The following THRB variants were observed in gnomAD, a reference collection of about 807,000 sequenced individuals.
THRB encodes nuclear receptor subfamily 1 group A member 2.
Under a neutral mutation model 47.8 loss-of-function variants are expected in THRB, and 12 were observed. The ratio of observed to expected loss-of-function variants is 0.25; its 90% CI spans 0.16 to 0.41. The LOEUF (loss-of-function observed/expected upper bound fraction) is 0.41, where lower values mean the gene tolerates loss of function less well. Ranked by LOEUF, THRB falls within the 10% of genes least tolerant of loss-of-function variation. The pLI, the probability that THRB is intolerant of heterozygous loss-of-function variation, is 1.00. For missense variants in THRB, 348 were observed against 589.2 expected, an observed-to-expected ratio of 0.59 and a Z score of 4.24; for synonymous variants, 218 against 212.2, an observed-to-expected ratio of 1.03 and a Z score of -0.24.
intron 1 of THRB, among the ~76,000 whole-genome samples, chr3:24,360,713 T>C (rs929635108): frequency 3.3e-5 from 5 of 152,172 alleles, no homozygotes; most frequent in Non-Finnish European, 5.9e-5. Flanking sequence ...TTGTTTTATA[T>C]AGTTCACTTG....
intron 3 of THRB, among the ~76,000 whole-genome samples, chr3:24,257,178 G>T (rs545026660): frequency 7.2e-5 from 11 of 152,116 alleles, no homozygotes; most frequent in Non-Finnish European, 1.2e-4. Context: ...AATATTCATG[G>T]AGAGGCCCTT....
At chr3:24,211,214 G>T (rs574822429) in intron 4 of THRB, among the ~76,000 whole-genome samples, 1 of 141,162 alleles carries the variant, frequency 7.1e-6, no homozygotes, top group Non-Finnish European at 1.5e-5. Flanking sequence ...AAAAAAAAAA[G>T]ATGGTGGGAT....
At chr3:24,221,808 C>A (rs778455562) in intron 4 of THRB, among the ~76,000 whole-genome samples, 1 of 152,170 alleles carries the variant, frequency 6.6e-6, no homozygotes. Context: ...GGAAGGTTTT[C>A]GCTAGTCTGT....
At chr3:24,388,995 C>T (rs1460914694) in intron 1 of THRB, among the ~76,000 whole-genome samples, 1 of 152,118 alleles carries the variant, frequency 6.6e-6, no homozygotes, top group African/African-American at 2.4e-5. Flanking sequence ...AGAAAACTCC[C>T]ATCTCTACTT....
intron 7 of THRB, chr3:24,144,886 G>A (rs1440509699): frequency 6.6e-6 from 1 of 151,988 alleles, no homozygotes; most frequent in African/African-American, 2.4e-5. Flanking sequence ...ATTTCTTGAT[G>A]AAGGTGTGAC....
intron 1 of THRB, among the ~76,000 whole-genome samples, chr3:24,462,126 A>G (rs562017822): frequency 1.3e-5 from 2 of 152,128 alleles, no homozygotes; most frequent in Non-Finnish European, 2.9e-5. Flanking sequence ...TACTTTTGTC[A>G]TCAGAAAAAT....
chr3:24,323,020 C>T lies in THRB; in HGVS notation c.-189+14280G>A, dbSNP rs75338575. Among the ~76,000 whole-genome samples, 920 of 152,180 alleles carry T rather than the reference C, an allele frequency of 6.0e-3. 7 individuals are homozygous for T. The highest frequency in any genetic ancestry group is 0.014 in the Middle Eastern group (4 of 294). On this transcript the variant is annotated intron_variant, in intron 2 of 10. Coordinates refer to ENST00000646209, the MANE Select transcript of THRB (RefSeq NM_001354712.2). Reference sequence around the variant, plus strand: ...TTTCTTATGAGCATTACATTCATGCCCACTTGTTTCCCATTCACTCCCATT... The same window carrying T: ...TTTCTTATGAGCATTACATTCATGCTCACTTGTTTCCCATTCACTCCCATT...
At chr3:24,130,157 C>A (rs1209572179) in intron 9 of THRB, among the ~76,000 whole-genome samples, 2 of 152,154 alleles carry the variant, frequency 1.3e-5, no homozygotes, top group African/African-American at 4.8e-5. Context: ...GGTGCTCCCA[C>A]CATCCCGCCA....
chr3:24,196,175 G>T (rs1007206735), intron 4 of THRB, among the ~76,000 whole-genome samples: 2 of 152,096 alleles, frequency 1.3e-5, no homozygotes, highest in Non-Finnish European at 2.9e-5. Flanking sequence ...TCAAACCCAG[G>T]TCTTCTGACT....
At chr3:24,364,687 T>C (rs1456321748) in intron 1 of THRB, among the ~76,000 whole-genome samples, 1 of 152,174 alleles carries the variant, frequency 6.6e-6, no homozygotes. Flanking sequence ...ATTTACACTG[T>C]TCTCTAGGGA....
Position 24,182,214 on chromosome 3 carries a change from A to C in THRB, c.283+7860T>G, listed in dbSNP as rs533274780. 2.1e-5 allele frequency among the ~76,000 whole-genome samples: 3 copies of C among 140,974 alleles called. No individual in the cohort carries two copies. The East Asian group carries it at 6.1e-4, about 29-fold the overall frequency. The allele number at this position is 140,974 out of a possible 152,430, so 92.5% of individuals were successfully genotyped here. On this transcript the variant is annotated intron_variant, in intron 5 of 10. Transcript: ENST00000646209. ...AGACTCCGTTTCAAAAACAAAACAA[A>C]ACAAAAAAACAAACAAAAAAAAGAA...
Position 24,307,376 on chromosome 3 carries a change from GT to G in THRB, c.-188-10006del, listed in dbSNP as rs1484375119. On this transcript the variant is annotated intron_variant, in intron 2 of 10. Transcript: ENST00000646209. ...GATCTCTCAATTCTTATTTCCTTTA[GT>G]TTTTTATGCATCTGTTTTTTATATA... Among the ~76,000 whole-genome samples, 6 of 151,962 alleles carry G rather than the reference GT, an allele frequency of 3.9e-5. No individual in the cohort carries two copies. The East Asian group carries it at 1.2e-3, about 29-fold the overall frequency.
chr3:24,418,685 A>T (rs1222777633), intron 1 of THRB, among the ~76,000 whole-genome samples: 9 of 151,954 alleles, frequency 5.9e-5, no homozygotes, highest in African/African-American at 2.2e-4. Context: ...GGTGAGGCCC[A>T]GGAATCTGTA....
At chr3:24,384,176 C>G (rs2065912989) in intron 1 of THRB, among the ~76,000 whole-genome samples, 1 of 152,084 alleles carries the variant, frequency 6.6e-6, no homozygotes, top group African/African-American at 2.4e-5. Context: ...CCTCAGACTT[C>G]TAATTTTGGT....
chr3:24,306,779 C>T (rs6800549), intron 2 of THRB, among the ~76,000 whole-genome samples: 16,774 of 152,184 alleles, frequency 0.11, 1,179 homozygotes, highest in African/African-American at 0.2. Context: ...CCTGTAACCA[C>T]GTACGGTTGG....
At chr3:24,304,853 T>G (rs1292287117) in intron 2 of THRB, among the ~76,000 whole-genome samples, 1 of 152,122 alleles carries the variant, frequency 6.6e-6, no homozygotes, top group African/African-American at 2.4e-5. Context: ...AAATGATTAT[T>G]AAGAAAGTAC....
At chr3:24,410,262 G>A (rs552442652) in intron 1 of THRB, among the ~76,000 whole-genome samples, 4 of 151,872 alleles carry the variant, frequency 2.6e-5, no homozygotes, top group South Asian at 2.1e-4. Flanking sequence ...AAAGACCAGG[G>A]GTAAATAGAA....
intron 2 of THRB, among the ~76,000 whole-genome samples, chr3:24,315,340 A>G (rs1450593637): frequency 6.6e-6 from 1 of 152,242 alleles, no homozygotes; most frequent in East Asian, 1.9e-4. Flanking sequence ...GTCAGATAGA[A>G]TGAAGGCATT....
chr3:24,275,891 T>C (rs950591842), intron 3 of THRB, among the ~76,000 whole-genome samples: 1 of 152,164 alleles, frequency 6.6e-6, no homozygotes, highest in East Asian at 1.9e-4. Context: ...ATTTCAAATA[T>C]GCCCCCTCCA....
Sources: gnomAD v4.1 joint callset for allele counts (sites outside exome capture counted in the v4.1 genomes callset) on GRCh38, gnomAD v4.1.1 for gene constraint, MANE v1.5 for transcripts, NCBI Gene and HGNC (gene_info 2026-07-23, HGNC 2026-07-21) for gene names.